EP400: variants seen among roughly 807,000 people sequenced by gnomAD.
EP400 encodes E1A binding protein p400.
Under a neutral mutation model 354.1 loss-of-function variants are expected in EP400, and 105 were observed. That is an observed-to-expected ratio of 0.30 (90% CI 0.25 to 0.35). The LOEUF (loss-of-function observed/expected upper bound fraction) is 0.35. Ranked by LOEUF, EP400 falls within the 10% of genes least tolerant of loss-of-function variation. The probability of loss-of-function intolerance (pLI) is 1.00; values close to 1 mark genes in which losing one functional copy is unlikely to be tolerated. For synonymous variants in EP400, 1,646 were observed against 1,716.9 expected (o/e 0.96, Z 1.02); for missense variants, 3,280 against 4,121.0 (o/e 0.80, Z 5.59).
At position 132,064,593 on chromosome 12, in the gene EP400, C is replaced by T. The variant is rs1895825574; in HGVS notation, c.8335-75C>T. The T allele has an allele frequency of 1.9e-6, 3 of 1,549,978 alleles. No homozygotes were observed. In the South Asian group the frequency reaches 3.6e-5, roughly 19 times the overall value. On this transcript the variant is annotated intron_variant, in intron 47 of 52. Coordinates refer to ENST00000389561, the MANE Select transcript of EP400 (RefSeq NM_015409.5). ...TATTTAATGGGCAGTAGAGGGGTGGCTTAGGAACAAGATGTCTACTTAAAG... is the reference window on the plus strand; with the variant it reads ...TATTTAATGGGCAGTAGAGGGGTGGTTTAGGAACAAGATGTCTACTTAAAG...
At chr12:132,041,793 G>A (rs1203648841) in intron 32 of EP400, among the ~76,000 whole-genome samples, 1 of 152,036 alleles carries the variant, frequency 6.6e-6, no homozygotes, top group Non-Finnish European at 1.5e-5. Flanking sequence ...GCAGAATGTG[G>A]GATAGTCTCA....
intron 2 of EP400, among the ~76,000 whole-genome samples, chr12:131,977,282 A>G (rs1439221049): frequency 6.7e-6 from 1 of 148,264 alleles, no homozygotes; most frequent in Non-Finnish European, 1.5e-5. Flanking sequence ...GACTACAGGC[A>G]CCCGTCACCG....
chr12:132,077,579 C>T lies in EP400; in HGVS notation c.9278C>T (p.Pro3093Leu), dbSNP rs1255474122. 2.5e-6 allele frequency: 4 copies of T among 1,613,910 alleles called. No individual in the cohort carries two copies. The highest frequency in any genetic ancestry group is 3.4e-6 in the Non-Finnish European group (4 of 1,179,928). ...TPGAPNPAQV[P>L]ASSDSPSQQP... ...GGCGCTCCCAACCCAGCCCAGGTGC[C>T]CGCCAGCTCCGACAGCCCAAGCCAG... The change falls in exon 53 of 53, where the codon CCC becomes CTC. Residue 3093 changes from proline (P) to leucine (L), a missense_variant. Coordinates refer to ENST00000389561, the MANE Select transcript of EP400 (RefSeq NM_015409.5).
Position 131,960,877 on chromosome 12 carries a change from C to A in EP400, c.258C>A (p.Asn86Lys). ...LQSVGPVVGGNQQITLAPLPL... is the reference protein window; with the variant it reads ...LQSVGPVVGGKQQITLAPLPL... ...GCGTGGGCCCTGTCGTCGGGGGAAA[C>A]CAGCAGATCACACTGGCCCCACTGC... is the stretch of plus-strand genomic sequence containing the variant. The change falls in exon 2 of 53, where the codon AAC (asparagine) becomes AAA (lysine). Residue 86 changes from asparagine (N) to lysine (K), a missense_variant. Transcript: ENST00000389561. 6.2e-7 allele frequency: 1 copy of A among 1,614,028 alleles called. No individual in the cohort carries two copies. Among genetic ancestry groups the A allele is most frequent in the South Asian group, 1.1e-5 (1 of 91,086 alleles).
chr12:132,073,228 CTTT>C lies in EP400; in HGVS notation c.9022-3273_9022-3271del, dbSNP rs56108246. ...CTTGCCTTCTTTTGGGCCACCTTCTCTTTTTTTTTTTTTTTTTATCAATTCTCC... is the reference window on the plus strand; with the variant it reads ...CTTGCCTTCTTTTGGGCCACCTTCTCTTTTTTTTTTTTTTATCAATTCTCC... On this transcript the variant is annotated intron_variant, in intron 51 of 52. Coordinates refer to ENST00000389561, the MANE Select transcript of EP400 (RefSeq NM_015409.5). Among the ~76,000 whole-genome samples, 803 of 125,462 alleles carry C rather than the reference CTTT, an allele frequency of 6.4e-3. 10 individuals are homozygous for C. In the South Asian group the frequency reaches 0.064, roughly 10 times the overall value. 82.3% of individuals were successfully genotyped at this position (125,462 alleles called of 152,430 possible).
chr12:132,049,204 A>T (rs916670044), intron 39 of EP400, among the ~76,000 whole-genome samples: 1 of 152,226 alleles, frequency 6.6e-6, no homozygotes, highest in Non-Finnish European at 1.5e-5. Flanking sequence ...GCCTGGTTAG[A>T]GCCTGCACAG....
chr12:132,013,290 T>C lies in EP400; in HGVS notation c.3611+112T>C, dbSNP rs1675927499. The C allele has an allele frequency of 1.4e-6, 2 of 1,446,884 alleles. No homozygotes were observed. Among genetic ancestry groups the C allele is most frequent in the South Asian group, 2.8e-5 (2 of 72,004 alleles). The allele number at this position is 1,446,884 out of a possible 1,614,324, so 89.6% of individuals were successfully genotyped here. Reference sequence around the variant, plus strand: ...AAACAATGGCCTTTGAGCTAGAGAATTGCTTTTCATCTTCATCCCAGCACA... The same window carrying C: ...AAACAATGGCCTTTGAGCTAGAGAACTGCTTTTCATCTTCATCCCAGCACA... On this transcript the variant is annotated intron_variant, in intron 17 of 52. Transcript: ENST00000389561. This position sits in a 1 kb window ranked among gnomAD's most constrained non-coding sequence, Gnocchi z 4.5.
chr12:132,065,138 G>C lies in EP400; in HGVS notation c.8553+252G>C. On this transcript the variant is annotated intron_variant, in intron 48 of 52. Coordinates refer to ENST00000389561, the MANE Select transcript of EP400 (RefSeq NM_015409.5). ...GGGCTTGAATTGAGGGGGGTGGAGAGTGAGCGAGGTGAGATGCAGCCTGCG... is the reference window on the plus strand; with the variant it reads ...GGGCTTGAATTGAGGGGGGTGGAGACTGAGCGAGGTGAGATGCAGCCTGCG... 4 of 649,420 alleles carry C rather than the reference G, an allele frequency of 6.2e-6. No homozygotes were observed. The South Asian group carries it at 6.2e-5, about 10-fold the overall frequency. The allele number at this position is 649,420 out of a possible 1,614,324, so 40.2% of individuals were successfully genotyped here.
chr12:131,951,073 T>TA (rs1891466166), intron 1 of EP400, among the ~76,000 whole-genome samples: 2 of 123,248 alleles, frequency 1.6e-5, no homozygotes, highest in African/African-American at 5.3e-5. Context: ...CTATTTTTTT[T>TA]TTTTTTTTTT....
At chr12:131,982,014 G>C in intron 4 of EP400, 79 bp from the exon 5 acceptor site, 1 of 1,482,500 alleles carries the variant, frequency 6.7e-7, no homozygotes, top group Non-Finnish European at 8.9e-7. Context: ...TGGGGTGTTA[G>C]ACGTGTCTCC....
intron 2 of EP400, among the ~76,000 whole-genome samples, chr12:131,963,124 T>C (rs1202182782): frequency 6.6e-6 from 1 of 152,226 alleles, no homozygotes; most frequent in Non-Finnish European, 1.5e-5. Flanking sequence ...CCCCCTTACC[T>C]GTGCTTAGAA....
chr12:131,952,319 A>G (rs201059219), intron 1 of EP400, among the ~76,000 whole-genome samples: 12 of 148,196 alleles, frequency 8.1e-5, no homozygotes, highest in Non-Finnish European at 1.3e-4. Flanking sequence ...AAAAAAAAAA[A>G]AAAAAAGAAA....
At position 132,067,248 on chromosome 12, in the gene EP400, TAG is replaced by T. The variant is rs568886410; in HGVS notation, c.8750-111_8750-110del. Reference sequence around the variant, plus strand: ...TTAAGGGATGGCTTACTTGTCTCCATAGAGTTTCATAGTTTGTTATTTTCTGT... The same window carrying T: ...TTAAGGGATGGCTTACTTGTCTCCATAGTTTCATAGTTTGTTATTTTCTGT... On this transcript the variant is annotated intron_variant, in intron 49 of 52. Coordinates refer to ENST00000389561, the MANE Select transcript of EP400 (RefSeq NM_015409.5). This position sits in a 1 kb window ranked among gnomAD's most constrained non-coding sequence, Gnocchi z 5.3. 9.6e-4 allele frequency: 1,393 copies of T among 1,454,456 alleles called. 1 individual carries two copies. Among genetic ancestry groups the T allele is most frequent in the Non-Finnish European group, 1.2e-3 (1,331 of 1,077,632 alleles). The allele number at this position is 1,454,456 out of a possible 1,614,324, so 90.1% of individuals were successfully genotyped here.
chr12:132,009,597 G>T (rs1448942314), intron 15 of EP400, among the ~76,000 whole-genome samples: 2 of 152,194 alleles, frequency 1.3e-5, no homozygotes, highest in African/African-American at 4.8e-5. Context: ...ACAACAGAAA[G>T]ATTGCGGTCA....
In EP400 at chr12:132,050,675, A is replaced by G. The variant is rs752506268; in HGVS notation, c.7394+20A>G. ...AGAAAGGTATTTCTCTATTCGTGAC[A>G]CATTTGTTACTGTTTGGAAGGATTT... On this transcript the variant is annotated intron_variant, in intron 41 of 52. Transcript: ENST00000389561. The surrounding 1 kb of genome is among the most constrained non-coding windows in gnomAD (Gnocchi z 4.8). 1.2e-6 allele frequency: 2 copies of G among 1,614,104 alleles called. No individual in the cohort carries two copies. Among genetic ancestry groups the G allele is most frequent in the Non-Finnish European group, 1.7e-6 (2 of 1,179,950 alleles).
rs1181592757 is a variant in EP400 at position 132,013,925 on chromosome 12, C to A, written c.3923+12C>A. 3.7e-6 allele frequency: 6 copies of A among 1,613,426 alleles called. No individual in the cohort carries two copies. The highest frequency in any genetic ancestry group is 5.1e-6 in the Non-Finnish European group (6 of 1,179,760). ...ATCCTGCAACCTGGGTGAGTGTGGGCTCTGGGCATGTGCCCCCTTTGCTGT... is the reference window on the plus strand; with the variant it reads ...ATCCTGCAACCTGGGTGAGTGTGGGATCTGGGCATGTGCCCCCTTTGCTGT... On this transcript the variant is annotated intron_variant, in intron 19 of 52. Coordinates refer to ENST00000389561, the MANE Select transcript of EP400 (RefSeq NM_015409.5). The surrounding 1 kb of genome is among the most constrained non-coding windows in gnomAD (Gnocchi z 4.5).
rs532829509 is a variant in EP400, at chr12:132,008,224, A to G, written c.3304+1347A>G. 2.6e-5 allele frequency among the ~76,000 whole-genome samples: 4 copies of G among 152,318 alleles called. No individual in the cohort carries two copies. The East Asian group carries it at 7.7e-4, about 29-fold the overall frequency. On this transcript the variant is annotated intron_variant, in intron 15 of 52. Coordinates refer to ENST00000389561, the MANE Select transcript of EP400 (RefSeq NM_015409.5). ...TGACCTTCCAAAATGCTGGGATTAC[A>G]GGCGTGAGCCACCGCACCCGGCCTG...
At position 131,987,792 on chromosome 12, in the gene EP400, C is replaced by G; in HGVS notation, c.2311C>G (p.Arg771Gly). The G allele has an allele frequency of 1.2e-6, 2 of 1,613,148 alleles. No individual in the cohort carries two copies. The highest frequency in any genetic ancestry group is 1.7e-6 in the Non-Finnish European group (2 of 1,179,894). The stretch of plus-strand genomic sequence containing the variant: ...TCTGCCAAAGCTGCAGGAGGCCCCA[C>G]GCCCCAAGTCCCACTGGGACTATCT... ...RRLPKLQEAP[R>G]PKSHWDYLLE... The change falls in exon 7 of 53, where the codon CGC becomes GGC. Residue 771 changes from arginine to glycine, a missense_variant. Physicochemically the swap from Arg to Gly is moderately radical, Grantham distance 125 (BLOSUM62 -2). Coordinates refer to ENST00000389561, the MANE Select transcript of EP400 (RefSeq NM_015409.5).
chr12:132,021,311 C>A lies in EP400; in HGVS notation c.4680C>A (p.Ala1560=). ...QRLVLPSQAQ[A]RLPSGEVVKI... is the part of the protein sequence containing the mutation. ...TGGTGCTCCCCTCGCAGGCCCAGGCCCGCTTGCCCAGTAAGTGGCCTCACC... is the reference window on the plus strand; with the variant it reads ...TGGTGCTCCCCTCGCAGGCCCAGGCACGCTTGCCCAGTAAGTGGCCTCACC... Residue 1560 remains alanine, a synonymous_variant, in exon 23 of 53, where the codon GCC becomes GCA. Coordinates refer to ENST00000389561, the MANE Select transcript of EP400 (RefSeq NM_015409.5). 6.6e-7 allele frequency: 1 copy of A among 1,520,018 alleles called. No homozygotes were observed. The highest frequency in any genetic ancestry group is 8.8e-7 in the Non-Finnish European group (1 of 1,140,604). 94.2% of individuals were successfully genotyped at this position (1,520,018 alleles called of 1,614,324 possible).
Sources: gnomAD v4.1 joint callset for allele counts (sites outside exome capture counted in the v4.1 genomes callset) on GRCh38, gnomAD v4.1.1 for gene constraint, Gnocchi (gnomAD v3.1) non-coding constraint, MANE v1.5 for transcripts, NCBI Gene and HGNC (gene_info 2026-07-23, HGNC 2026-07-21) for gene names.